Variants in NNT observed in about 807,000 individuals in gnomAD.
NNT encodes the protein NAD(P) transhydrogenase, mitochondrial.
In NNT, 50 loss-of-function variants were observed where a neutral mutation model predicts 104.8. The observed-to-expected ratio is 0.48, with a 90% CI of 0.38 to 0.60. The LOEUF is 0.60. Among genes scored for constraint, NNT ranks in the 20% least tolerant of loss-of-function variants. The pLI, the probability that NNT is intolerant of heterozygous loss-of-function variation, is 0.00. For missense variants in NNT, 1,131 were observed against 1,330.7 expected (o/e 0.85, Z 2.33); for synonymous variants, 461 against 490.4 (o/e 0.94, Z 0.79).
chr5:43,617,208 CAT>C (rs753668792), intron 4 of NNT, among the ~76,000 whole-genome samples: 1 of 152,166 alleles, frequency 6.6e-6, no homozygotes, highest in Non-Finnish European at 1.5e-5. Flanking sequence ...CTGAAATACA[CAT>C]ATGTGAAAGA....
chr5:43,608,594 C>G (rs1749344484), intron 1 of NNT, among the ~76,000 whole-genome samples: 2 of 152,174 alleles, frequency 1.3e-5, no homozygotes, highest in Non-Finnish European at 2.9e-5. Context: ...CTTTTGTTCA[C>G]TCAGTCAGCC....
Position 43,659,293 on chromosome 5 carries a change from C to T in NNT, c.2577C>T (p.Thr859=). The T allele has an allele frequency of 1.2e-6, 2 of 1,613,976 alleles. No individual in the cohort carries two copies. The highest frequency in any genetic ancestry group is 1.7e-6 in the Non-Finnish European group (2 of 1,180,004). Residue 859 remains threonine (T), a synonymous_variant, in exon 17 of 22, where the codon ACC becomes ACT. Transcript: ENST00000344920. ...EGFLLNNNLL[T]IVGALIGSSG... ...TCCTGCTCAACAACAATCTGCTGAC[C>T]ATCGTGGGTGCACTCATAGGCTCGT...
At chr5:43,645,993 G>A (rs1235253783) in intron 10 of NNT, among the ~76,000 whole-genome samples, 1 of 151,704 alleles carries the variant, frequency 6.6e-6, no homozygotes, top group East Asian at 1.9e-4. Context: ...GATTACAGGC[G>A]TGAGCCACTG....
chr5:43,660,854 A>G (rs1489863337), intron 17 of NNT, among the ~76,000 whole-genome samples: 3 of 152,208 alleles, frequency 2.0e-5, no homozygotes, highest in Non-Finnish European at 1.5e-5. Flanking sequence ...CCCCCGTGGC[A>G]TGTGGGGATT....
intron 1 of NNT, among the ~76,000 whole-genome samples, chr5:43,608,513 T>G (rs183646496): frequency 6.6e-6 from 1 of 152,342 alleles, no homozygotes; most frequent in Admixed American, 6.5e-5. Context: ...TTTTTCTTTC[T>G]TTCTTCTTTC....
At position 43,690,143 on chromosome 5, in the gene NNT, T is replaced by A. The variant is rs906382319; in HGVS notation, c.2877-9976T>A. Among the ~76,000 whole-genome samples, 47 of 151,876 alleles carry A rather than the reference T, an allele frequency of 3.1e-4. 1 individual carries two copies. The highest frequency in any genetic ancestry group is 6.6e-4 in the Admixed American group (10 of 15,262). On this transcript the variant is annotated intron_variant, in intron 19 of 21. Coordinates refer to ENST00000344920, the MANE Select transcript of NNT (RefSeq NM_182977.3). ...CCTGGCCTTGCTAGAGATCGACACATCCAAATAACACCTAGTAAAACTCAA... is the reference window on the plus strand; with the variant it reads ...CCTGGCCTTGCTAGAGATCGACACAACCAAATAACACCTAGTAAAACTCAA...
At chr5:43,603,450 G>T (rs938921213) in intron 1 of NNT, among the ~76,000 whole-genome samples, 156 bp downstream of exon 1, 4 of 152,144 alleles carry the variant, frequency 2.6e-5, no homozygotes, top group Non-Finnish European at 5.9e-5. Context: ...TGTCCCGGGC[G>T]CAGGGTGCAT....
chr5:43,684,354 T>C (rs1323804356), intron 19 of NNT, among the ~76,000 whole-genome samples: 1 of 152,064 alleles, frequency 6.6e-6, no homozygotes, highest in African/African-American at 2.4e-5. Context: ...TTTTAGAAAG[T>C]TCTAGGAAGT....
intron 20 of NNT, 86 bp downstream of exon 20, chr5:43,700,323 T>A: frequency 1.1e-6 from 1 of 904,790 alleles, no homozygotes; most frequent in Non-Finnish European, 1.7e-6. Context: ...GTAGATTCAG[T>A]GAAGACTGAC....
At chr5:43,614,833 A>G (rs989531649) in intron 3 of NNT, among the ~76,000 whole-genome samples, 1 of 152,270 alleles carries the variant, frequency 6.6e-6, no homozygotes, top group African/African-American at 2.4e-5. Flanking sequence ...ACAGTTTTAA[A>G]AATTTGGCTT....
chr5:43,653,399 G>A (rs904111477), intron 14 of NNT, 186 bp downstream of exon 14: 4 of 569,032 alleles, frequency 7.0e-6, no homozygotes, highest in Admixed American at 3.1e-5. Context: ...CTGAATAAAT[G>A]CATCAACTGA....
chr5:43,672,861 G>A (rs192225282), intron 17 of NNT, among the ~76,000 whole-genome samples: 2,065 of 151,896 alleles, frequency 0.014, 44 homozygotes, highest in East Asian at 0.058. Context: ...CCTTTTGTTC[G>A]GCTATGCCCT....
intron 7 of NNT, among the ~76,000 whole-genome samples, chr5:43,629,388 T>A (rs1418758344): frequency 6.6e-6 from 1 of 152,232 alleles, no homozygotes; most frequent in African/African-American, 2.4e-5. Context: ...TTGATGCGCA[T>A]TTAGGCTGGT....
At position 43,653,196 on chromosome 5, in the gene NNT, C is replaced by T; in HGVS notation, c.2042C>T (p.Ala681Val). The T allele has an allele frequency of 6.2e-7, 1 of 1,613,748 alleles. No individual in the cohort carries two copies. The change falls in exon 14 of 22, where the codon GCT becomes GTT. Residue 681 changes from alanine to valine, a missense_variant. By Grantham distance (64) the Ala-to-Val change is moderately conservative (BLOSUM62 0). Transcript: ENST00000344920. ...ELLAQMSGAM[A>V]LGGTIGLTIA... is the part of the protein sequence containing the mutation. The stretch of plus-strand genomic sequence containing the variant: ...CTAGCTCAGATGTCTGGAGCGATGG[C>T]TTTGGGTGGTACCATTGGTAAGCAC...
intron 1 of NNT, among the ~76,000 whole-genome samples, chr5:43,608,165 G>A (rs1300039927): frequency 2.0e-5 from 3 of 151,908 alleles, no homozygotes; most frequent in African/African-American, 4.8e-5. Flanking sequence ...TCCTGACCTC[G>A]TGATCTGCTC....
intron 17 of NNT, among the ~76,000 whole-genome samples, chr5:43,669,303 A>G (rs1740909008): frequency 6.6e-6 from 1 of 152,078 alleles, no homozygotes; most frequent in Non-Finnish European, 1.5e-5. Context: ...CCTGGCCAGA[A>G]CTTCCAACAC....
chr5:43,700,313 G>A, intron 20 of NNT, 76 bp downstream of exon 20: 1 of 1,019,722 alleles, frequency 9.8e-7, no homozygotes, highest in Non-Finnish European at 1.5e-6. Context: ...GATATGAATT[G>A]TAGATTCAGT....
intron 7 of NNT, among the ~76,000 whole-genome samples, chr5:43,643,885 T>A (rs1481510954): frequency 6.6e-6 from 1 of 152,232 alleles, no homozygotes; most frequent in Non-Finnish European, 1.5e-5. Context: ...TGTTTATCTG[T>A]TCATGAATGC....
At chr5:43,621,789 A>G (rs766400559) in intron 5 of NNT, among the ~76,000 whole-genome samples, 8 of 152,190 alleles carry the variant, frequency 5.3e-5, no homozygotes, top group Non-Finnish European at 1.2e-4. Context: ...GTGATGGGGA[A>G]GCTTCCTCTG....
Sources: allele counts gnomAD v4.1 joint callset (sites outside exome capture counted in the v4.1 genomes callset), GRCh38; gene constraint gnomAD v4.1.1; transcripts MANE v1.5; gene names NCBI Gene and HGNC (gene_info 2026-07-23, HGNC 2026-07-21).